Variants in COL26A1 observed in about 807,000 individuals in gnomAD.
The protein encoded by COL26A1 is collagen alpha-1(XXVI) chain.
In COL26A1, 41 loss-of-function variants were observed where a neutral mutation model predicts 59.3. That is an observed-to-expected ratio of 0.69 (90% CI 0.54 to 0.90). COL26A1 has a LOEUF of 0.90. COL26A1 is among the 40% of genes least tolerant of loss of function. COL26A1 has a pLI of 0.00. For synonymous variants in COL26A1, 266 were observed against 256.0 expected, an observed-to-expected ratio of 1.04 and a Z score of -0.37; for missense variants, 612 against 602.3, an observed-to-expected ratio of 1.02 and a Z score of -0.17.
chr7:101,489,481 C>T (rs997360547), intron 3 of COL26A1, among the ~76,000 whole-genome samples: 2 of 152,190 alleles, frequency 1.3e-5, no homozygotes, highest in Non-Finnish European at 2.9e-5. Flanking sequence ...TCTTGGATTT[C>T]ACACAAGAAA....
intron 9 of COL26A1, among the ~76,000 whole-genome samples, chr7:101,550,751 G>A (rs893821887): frequency 3.3e-5 from 5 of 152,118 alleles, no homozygotes; most frequent in African/African-American, 4.8e-5. Flanking sequence ...CCCGGGAGCC[G>A]TCTGGGCTGA....
chr7:101,522,538 C>T (rs1187447209), intron 3 of COL26A1, among the ~76,000 whole-genome samples: 1 of 152,148 alleles, frequency 6.6e-6, no homozygotes, highest in East Asian at 1.9e-4. Flanking sequence ...CCCATTTCCA[C>T]TAAGTCTAGA....
chr7:101,386,273 T>TTTTTTTTTG (rs529132854), intron 1 of COL26A1, among the ~76,000 whole-genome samples: 1 of 148,924 alleles, frequency 6.7e-6, no homozygotes, highest in African/African-American at 2.5e-5. Flanking sequence ...TTTTTTTTTT[T>TTTTTTTTTG]TTTTTTTAAT....
intron 10 of COL26A1, 53 bp from the exon 11 acceptor site, chr7:101,553,273 G>T: frequency 1.9e-6 from 3 of 1,548,364 alleles, no homozygotes; most frequent in South Asian, 2.3e-5. Flanking sequence ...GGAGAGGGTG[G>T]AGAGGTGCCC....
At chr7:101,537,313 C>T (rs930169125) in intron 4 of COL26A1, among the ~76,000 whole-genome samples, 14 of 152,204 alleles carry the variant, frequency 9.2e-5, no homozygotes, top group Non-Finnish European at 1.3e-4. Flanking sequence ...TACTCTCTGA[C>T]CTCATGGACC....
At chr7:101,456,949 G>A (rs1037343674) in intron 3 of COL26A1, among the ~76,000 whole-genome samples, 1 of 152,166 alleles carries the variant, frequency 6.6e-6, no homozygotes, top group Non-Finnish European at 1.5e-5. Flanking sequence ...AAACCAGTTC[G>A]CTGAGACCGT....
intron 2 of COL26A1, among the ~76,000 whole-genome samples, chr7:101,432,784 C>T (rs780544899): frequency 1.3e-5 from 2 of 152,060 alleles, no homozygotes; most frequent in African/African-American, 2.4e-5. Flanking sequence ...CTTACTGCAA[C>T]CTCTGCCTTC....
At chr7:101,546,089 T>C (rs944855120) in intron 7 of COL26A1, among the ~76,000 whole-genome samples, 9 of 152,034 alleles carry the variant, frequency 5.9e-5, no homozygotes, top group African/African-American at 2.2e-4. Flanking sequence ...ACTTCTACCT[T>C]GGGAGGTGGG....
chr7:101,363,285 T>G, intron 1 of COL26A1, 95 bp downstream of exon 1: 22 of 814,458 alleles, frequency 2.7e-5, no homozygotes, highest in South Asian at 1.6e-4. Context: ...GCTTGGGGGC[T>G]GGAGAGCGGG....
intron 1 of COL26A1, among the ~76,000 whole-genome samples, chr7:101,406,518 C>CT (rs1336206959): frequency 1.3e-5 from 2 of 152,182 alleles, no homozygotes; most frequent in Non-Finnish European, 2.9e-5. Flanking sequence ...TCTCAGGGGG[C>CT]TGTTGGGGGG....
intron 1 of COL26A1, among the ~76,000 whole-genome samples, chr7:101,399,212 G>A (rs1190961837): frequency 4.0e-5 from 6 of 151,408 alleles, no homozygotes; most frequent in South Asian, 2.1e-4. Context: ...AGGCTGAGGC[G>A]AGAGGATTGC....
intron 1 of COL26A1, among the ~76,000 whole-genome samples, chr7:101,414,598 C>T (rs532091190): frequency 1.3e-4 from 20 of 152,200 alleles, no homozygotes; most frequent in African/African-American, 3.9e-4. Context: ...CCACCACACC[C>T]GGCTAATTTT....
chr7:101,408,426 G>A (rs1276692532), intron 1 of COL26A1, among the ~76,000 whole-genome samples: 1 of 152,212 alleles, frequency 6.6e-6, no homozygotes, highest in African/African-American at 2.4e-5. Flanking sequence ...CTGGGACCTT[G>A]GATGAGGTGA....
At chr7:101,429,610 T>TTTTTTTTA (rs1792732730) in intron 2 of COL26A1, among the ~76,000 whole-genome samples, 4 of 87,046 alleles carry the variant, frequency 4.6e-5, no homozygotes, top group Non-Finnish European at 4.9e-5. Context: ...TTTTTTTTTT[T>TTTTTTTTA]GAGACAGGAT....
chr7:101,420,764 C>T (rs1792499059), intron 2 of COL26A1, among the ~76,000 whole-genome samples: 1 of 148,952 alleles, frequency 6.7e-6, no homozygotes, highest in African/African-American at 2.5e-5. Context: ...TCTCACCAGC[C>T]CCTCCCTCTC....
chr7:101,407,194 C>T (rs2130225963), intron 1 of COL26A1, among the ~76,000 whole-genome samples: 1 of 152,272 alleles, frequency 6.6e-6, no homozygotes, highest in African/African-American at 2.4e-5. Flanking sequence ...ATGCCTGTCT[C>T]CCAGCAGCTT....
chr7:101,552,407 C>A (rs1795879692), intron 10 of COL26A1, among the ~76,000 whole-genome samples: 1 of 151,590 alleles, frequency 6.6e-6, no homozygotes, highest in African/African-American at 2.4e-5. Flanking sequence ...GCCAGGAGTT[C>A]AAGGCCACCC....
chr7:101,499,379 A>G (rs1354766190), intron 3 of COL26A1, among the ~76,000 whole-genome samples: 2 of 151,892 alleles, frequency 1.3e-5, no homozygotes, highest in East Asian at 1.9e-4. Flanking sequence ...CTGTCTCTAC[A>G]AAATATATAA....
intron 2 of COL26A1, among the ~76,000 whole-genome samples, chr7:101,438,981 T>G (rs898499943): frequency 6.6e-6 from 1 of 152,184 alleles, no homozygotes; most frequent in Non-Finnish European, 1.5e-5. Flanking sequence ...CCCAGCCCCC[T>G]TTCTTTCCTG....
Sources: gnomAD v4.1 joint callset for allele counts (sites outside exome capture counted in the v4.1 genomes callset) on GRCh38, gnomAD v4.1.1 for gene constraint, MANE v1.5 for transcripts, NCBI Gene and HGNC (gene_info 2026-07-23, HGNC 2026-07-21) for gene names.